The following ELL2 variants were observed in gnomAD, a reference collection of about 807,000 sequenced individuals.
The protein encoded by ELL2 is elongation factor for RNA polymerase II 2.
In ELL2, 21 loss-of-function variants were observed where a neutral mutation model predicts 72.8. The observed-to-expected ratio is 0.29, with a 90% confidence interval of 0.20 to 0.42. The LOEUF is 0.42. ELL2 is among the 10% of genes least tolerant of loss of function. The pLI is 1.00. For missense variants in ELL2, 568 were observed against 772.8 expected (o/e 0.73, Z 3.14); for synonymous variants, 266 against 283.2 (o/e 0.94, Z 0.61).
At chr5:95,942,358 T>C (rs1750999359) in intron 2 of ELL2, among the ~76,000 whole-genome samples, 2 of 152,088 alleles carry the variant, frequency 1.3e-5, no homozygotes, top group Non-Finnish European at 2.9e-5. Context: ...AATAATTGAG[T>C]CTACTATTTA....
chr5:95,930,050 A>AT (rs1447422153), intron 2 of ELL2, among the ~76,000 whole-genome samples: 1 of 152,222 alleles, frequency 6.6e-6, no homozygotes, highest in Non-Finnish European at 1.5e-5. Context: ...CTTTAAAACC[A>AT]TTTTGTATTT....
intron 8 of ELL2, 35 bp downstream of exon 8, chr5:95,898,205 A>C: frequency 1.4e-6 from 2 of 1,480,502 alleles, no homozygotes; most frequent in Non-Finnish European, 1.8e-6. Context: ...AACTCATGAT[A>C]GCATGCACTT....
At position 95,895,774 on chromosome 5, in the gene ELL2, C is replaced by G. The variant is rs1748851503; in HGVS notation, c.1526-83G>C. 1.2e-5 allele frequency: 12 copies of G among 1,041,914 alleles called. No individual in the cohort carries two copies. The South Asian group carries it at 1.6e-4, about 14-fold the overall frequency. The allele number at this position is 1,041,914 out of a possible 1,614,324, so 64.5% of individuals were successfully genotyped here. On this transcript the variant is annotated intron_variant, in intron 8 of 11. Transcript: ENST00000237853. ...CTGTAATTCTAAAATAGATTAGAAA[C>G]ATCTGGAACACTTTTCCTCAAATTC...
At position 95,961,258 on chromosome 5, in the gene ELL2, C is replaced by T. The variant is rs114104455; in HGVS notation, c.147+317G>A. The stretch of plus-strand genomic sequence containing the variant: ...CACTTCTCTTATCGGGGCCTCTCTC[C>T]CTCCTTGGGACCCAACAAGCCAGGA... On this transcript the variant is annotated intron_variant, in intron 1 of 11. Coordinates refer to ENST00000237853, the MANE Select transcript of ELL2 (RefSeq NM_012081.6). 1.3e-3 allele frequency among the ~76,000 whole-genome samples: 192 copies of T among 152,248 alleles called. 1 individual carries two copies. The highest frequency in any genetic ancestry group is 4.4e-3 in the African/African-American group (184 of 41,580).
intron 4 of ELL2, 176 bp downstream of exon 4, chr5:95,913,595 C>G (rs1749681386): frequency 1.7e-6 from 1 of 587,290 alleles, no homozygotes; most frequent in African/African-American, 1.9e-5. Flanking sequence ...ATATGCTCTT[C>G]AATTTACTGG....
At chr5:95,947,445 C>G (rs1751202592) in intron 1 of ELL2, among the ~76,000 whole-genome samples, 1 of 152,118 alleles carries the variant, frequency 6.6e-6, no homozygotes, top group South Asian at 2.1e-4. Flanking sequence ...AGCTTGACTC[C>G]TCAACAAGAA....
chr5:95,906,452 C>A lies in ELL2; in HGVS notation c.741+71G>T, dbSNP rs574163380. On this transcript the variant is annotated intron_variant, in intron 5 of 11. Coordinates refer to ENST00000237853, the MANE Select transcript of ELL2 (RefSeq NM_012081.6). ...ATCTCAATAATAATGATAATAATGA[C>A]AACAAGCTTTTTTAAATGAACATTT... The A allele has an allele frequency of 4.1e-6, 6 of 1,476,370 alleles. No homozygotes were observed. In the African/African-American group the frequency reaches 8.5e-5, roughly 21 times the overall value. 91.5% of individuals were successfully genotyped at this position (1,476,370 alleles called of 1,614,324 possible). A position where few individuals can be genotyped will look rare whatever the true frequency, so the allele number is the denominator to read the frequency against.
chr5:95,905,195 G>A lies in ELL2; in HGVS notation c.741+1328C>T, dbSNP rs527505790. On this transcript the variant is annotated intron_variant, in intron 5 of 11. Transcript: ENST00000237853. ...AATGATCAACACTAATAACTCTCAT[G>A]CCTCGCTTGGGGGTAAAGTTTATCT... 5.9e-5 allele frequency among the ~76,000 whole-genome samples: 9 copies of A among 151,968 alleles called. No homozygotes were observed. The East Asian group carries it at 7.7e-4, about 13-fold the overall frequency.
At chr5:95,924,158 CAG>C (rs1251729515) in intron 2 of ELL2, among the ~76,000 whole-genome samples, 36 of 152,128 alleles carry the variant, frequency 2.4e-4, no homozygotes, top group Admixed American at 6.5e-4. Flanking sequence ...GCCATTCAGG[CAG>C]AGTTTCAGAG....
intron 2 of ELL2, among the ~76,000 whole-genome samples, chr5:95,934,299 C>G (rs1047533782): frequency 6.6e-6 from 1 of 152,148 alleles, no homozygotes; most frequent in African/African-American, 2.4e-5. Flanking sequence ...TTTCCTATGG[C>G]TGCTTAGGTA....
chr5:95,958,181 C>T (rs1391452833), intron 1 of ELL2, among the ~76,000 whole-genome samples: 2 of 152,102 alleles, frequency 1.3e-5, no homozygotes, highest in East Asian at 3.9e-4. Context: ...ACCATTTTCC[C>T]CCCAGAGAGA....
At chr5:95,904,260 G>A (rs1384722732) in intron 5 of ELL2, among the ~76,000 whole-genome samples, 1 of 152,198 alleles carries the variant, frequency 6.6e-6, no homozygotes, top group African/African-American at 2.4e-5. Flanking sequence ...TTAAAACAGT[G>A]TCTGGTACAC....
intron 3 of ELL2, among the ~76,000 whole-genome samples, chr5:95,918,326 A>G (rs1178610112): frequency 6.6e-6 from 1 of 152,264 alleles, no homozygotes; most frequent in East Asian, 1.9e-4. Flanking sequence ...TGGCCATCAC[A>G]GTGGACAGCA....
At chr5:95,936,012 G>C (rs950026810) in intron 2 of ELL2, among the ~76,000 whole-genome samples, 24 of 152,210 alleles carry the variant, frequency 1.6e-4, no homozygotes, top group Admixed American at 1.6e-3. Context: ...GGAAGGTCAT[G>C]GCATTAATTT....
At chr5:95,929,717 G>T (rs940653240) in intron 2 of ELL2, among the ~76,000 whole-genome samples, 1 of 151,018 alleles carries the variant, frequency 6.6e-6, no homozygotes, top group African/African-American at 2.4e-5. Context: ...GATGACTTAA[G>T]AATCTGTTGA....
intron 3 of ELL2, among the ~76,000 whole-genome samples, chr5:95,918,627 G>A (rs553406385): frequency 6.6e-6 from 1 of 152,282 alleles, no homozygotes; most frequent in East Asian, 1.9e-4. Context: ...AAGTCACAGA[G>A]ATACGCTGGT....
At chr5:95,907,654 A>C (rs1194389486) in intron 4 of ELL2, among the ~76,000 whole-genome samples, 1 of 152,160 alleles carries the variant, frequency 6.6e-6, no homozygotes, top group East Asian at 1.9e-4. Context: ...TGCTGAAGAG[A>C]CAAAAAGTAG....
At chr5:95,896,034 G>A (rs547706249) in intron 8 of ELL2, among the ~76,000 whole-genome samples, 49 of 152,204 alleles carry the variant, frequency 3.2e-4, no homozygotes, top group Non-Finnish European at 5.3e-4. Flanking sequence ...GATGCAGCCA[G>A]ACAATGGGAG....
At chr5:95,903,234 T>TTTC (rs1554075435) in intron 5 of ELL2, among the ~76,000 whole-genome samples, 3 of 109,446 alleles carry the variant, frequency 2.7e-5, no homozygotes, top group African/African-American at 1.3e-4. Context: ...TTTTTTTTTT[T>TTTC]CCGAGACAGA....
Sources: allele counts gnomAD v4.1 joint callset (sites outside exome capture counted in the v4.1 genomes callset), GRCh38; gene constraint gnomAD v4.1.1; transcripts MANE v1.5; gene names NCBI Gene and HGNC (gene_info 2026-07-23, HGNC 2026-07-21).